MIPOL1: variants seen among roughly 807,000 people sequenced by gnomAD.
MIPOL1 encodes the protein mirror-image polydactyly gene 1 protein.
In MIPOL1, 57 loss-of-function variants were observed where a neutral mutation model predicts 60.9. The ratio of observed to expected loss-of-function variants is 0.94; its 90% CI spans 0.76 to 1.17. The LOEUF (loss-of-function observed/expected upper bound fraction) is 1.17. Ranked by LOEUF, MIPOL1 falls within the 50% of genes most tolerant of loss-of-function variation. The pLI is 0.00. For missense variants in MIPOL1, 551 were observed against 511.6 expected, an observed-to-expected ratio of 1.08 and a Z score of -0.74; for synonymous variants, 179 against 168.8, an observed-to-expected ratio of 1.06 and a Z score of -0.47.
intron 10 of MIPOL1, among the ~76,000 whole-genome samples, chr14:37,415,616 G>A (rs894288870): frequency 6.0e-5 from 7 of 116,788 alleles, no homozygotes; most frequent in African/African-American, 1.9e-4. Context: ...GCGACAGAGC[G>A]AGACTCTGTC....
At chr14:37,391,912 G>T (rs904346953) in intron 10 of MIPOL1, among the ~76,000 whole-genome samples, 1 of 152,000 alleles carries the variant, frequency 6.6e-6, no homozygotes, top group Non-Finnish European at 1.5e-5. Context: ...ACAAGAATTT[G>T]AATTTAGGAA....
intron 1 of MIPOL1, among the ~76,000 whole-genome samples, chr14:37,226,187 CCCTGAGT>C (rs1463562907): frequency 3.2e-4 from 49 of 152,272 alleles, no homozygotes; most frequent in African/African-American, 1.2e-3. Context: ...CTGTTCCAAC[CCCTGAGT>C]ATTACCCAGT....
At chr14:37,496,980 C>A (rs2095140842) in intron 11 of MIPOL1, among the ~76,000 whole-genome samples, 1 of 151,328 alleles carries the variant, frequency 6.6e-6, no homozygotes, top group Non-Finnish European at 1.5e-5. Context: ...CAGAACAGAG[C>A]CCTCAGAAAT....
chr14:37,249,495 C>T (rs1273041918), intron 3 of MIPOL1, among the ~76,000 whole-genome samples: 1 of 152,052 alleles, frequency 6.6e-6, no homozygotes, highest in Non-Finnish European at 1.5e-5. Context: ...TGTTTTTGCA[C>T]CCACCATTAG....
chr14:37,240,926 GACAC>G (rs1410943628), intron 1 of MIPOL1, among the ~76,000 whole-genome samples: 1 of 136,150 alleles, frequency 7.3e-6, no homozygotes, highest in Non-Finnish European at 1.5e-5. Context: ...ACCAGTAGGT[GACAC>G]ACACACACAT....
intron 10 of MIPOL1, among the ~76,000 whole-genome samples, chr14:37,406,387 G>A (rs906466590): frequency 6.6e-6 from 1 of 152,040 alleles, no homozygotes; most frequent in African/African-American, 2.4e-5. Context: ...AAACATACAC[G>A]ATCCTGAACA....
intron 1 of MIPOL1, among the ~76,000 whole-genome samples, chr14:37,227,121 A>T (rs1234391225): frequency 6.6e-6 from 1 of 152,174 alleles, no homozygotes; most frequent in Non-Finnish European, 1.5e-5. Context: ...AACAACACAA[A>T]TTTATTATCT....
At chr14:37,544,600 G>A (rs974697635) in intron 12 of MIPOL1, among the ~76,000 whole-genome samples, 23 of 152,174 alleles carry the variant, frequency 1.5e-4, no homozygotes, top group Admixed American at 2.6e-4. Flanking sequence ...AGACACACAC[G>A]TCTACCTTCC....
chr14:37,461,008 A>G (rs2094532780), intron 11 of MIPOL1, among the ~76,000 whole-genome samples: 1 of 152,214 alleles, frequency 6.6e-6, no homozygotes, highest in South Asian at 2.1e-4. Flanking sequence ...AAATACTCCT[A>G]AAATTCACTT....
At chr14:37,269,107 T>C (rs1253546218) in intron 5 of MIPOL1, among the ~76,000 whole-genome samples, 1 of 152,062 alleles carries the variant, frequency 6.6e-6, no homozygotes, top group African/African-American at 2.4e-5. Flanking sequence ...TTATAGAGAA[T>C]GGGAGATAGA....
chr14:37,395,337 G>A (rs2093350913), intron 10 of MIPOL1, among the ~76,000 whole-genome samples: 1 of 152,062 alleles, frequency 6.6e-6, no homozygotes, highest in Non-Finnish European at 1.5e-5. Flanking sequence ...ATTGCTTTTG[G>A]CAGTGCGGTC....
At chr14:37,413,604 T>C (rs1268216328) in intron 10 of MIPOL1, among the ~76,000 whole-genome samples, 1 of 152,218 alleles carries the variant, frequency 6.6e-6, no homozygotes, top group Non-Finnish European at 1.5e-5. Flanking sequence ...AATTCTCCTC[T>C]TTTCATATAA....
intron 1 of MIPOL1, among the ~76,000 whole-genome samples, chr14:37,200,894 GTGTGTA>G (rs1440761746): frequency 8.0e-5 from 4 of 49,876 alleles, no homozygotes; most frequent in African/African-American, 1.4e-4. Flanking sequence ...GTGTGTGTGT[GTGTGTA>G]TTTTTTTTTT....
chr14:37,366,814 A>G (rs192344908), intron 9 of MIPOL1, among the ~76,000 whole-genome samples: 55 of 152,016 alleles, frequency 3.6e-4, no homozygotes, highest in Non-Finnish European at 5.9e-4. Context: ...TACTTGCTTT[A>G]TATATATATG....
intron 1 of MIPOL1, among the ~76,000 whole-genome samples, chr14:37,231,549 G>A (rs1335495744): frequency 1.3e-5 from 2 of 152,092 alleles, no homozygotes; most frequent in Non-Finnish European, 2.9e-5. Flanking sequence ...AGATACTTCT[G>A]CATTTACCAG....
At chr14:37,257,189 AATG>A (rs1240776093) in intron 3 of MIPOL1, among the ~76,000 whole-genome samples, 5 of 151,632 alleles carry the variant, frequency 3.3e-5, no homozygotes, top group Non-Finnish European at 7.4e-5. Flanking sequence ...AAAGTTATGT[AATG>A]ATGCCATATA....
intron 3 of MIPOL1, among the ~76,000 whole-genome samples, chr14:37,257,899 C>T (rs886548336): frequency 6.6e-6 from 1 of 152,136 alleles, no homozygotes; most frequent in African/African-American, 2.4e-5. Flanking sequence ...ACAATCCAGA[C>T]GAGAGATGCC....
At chr14:37,520,201 A>T (rs2095403024) in intron 12 of MIPOL1, among the ~76,000 whole-genome samples, 1 of 152,130 alleles carries the variant, frequency 6.6e-6, no homozygotes, top group African/African-American at 2.4e-5. Flanking sequence ...TTGCATTGAT[A>T]TATTATCTCT....
chr14:37,447,683 A>G (rs2094357930), intron 11 of MIPOL1, among the ~76,000 whole-genome samples: 1 of 152,208 alleles, frequency 6.6e-6, no homozygotes, highest in Admixed American at 6.5e-5. Flanking sequence ...GAACAATGAT[A>G]TGTGACTGGA....
Sources: gnomAD v4.1 joint callset for allele counts (sites outside exome capture counted in the v4.1 genomes callset) on GRCh38, gnomAD v4.1.1 for gene constraint, MANE v1.5 for transcripts, NCBI Gene and HGNC (gene_info 2026-07-23, HGNC 2026-07-21) for gene names.